AGMO: variants seen among roughly 807,000 people sequenced by gnomAD.
AGMO encodes the protein glyceryl-ether monooxygenase.
Under a neutral mutation model 60.2 loss-of-function variants are expected in AGMO, and 75 were observed. The observed-to-expected ratio is 1.25, with a 90% CI of 1.03 to 1.51. The LOEUF is 1.51. Among genes scored for constraint, AGMO ranks in the 40% most tolerant of loss-of-function variants. The pLI, the probability that AGMO is intolerant of heterozygous loss-of-function variation, is 0.00. For missense variants in AGMO, 763 were observed against 525.5 expected, an observed-to-expected ratio of 1.45 and a Z score of -4.42; for synonymous variants, 261 against 177.1, an observed-to-expected ratio of 1.47 and a Z score of -3.76.
chr7:15,265,164 A>C (rs1214428873), intron 12 of AGMO, among the ~76,000 whole-genome samples: 1 of 152,112 alleles, frequency 6.6e-6, no homozygotes, highest in Non-Finnish European at 1.5e-5. Context: ...CCATTATCCT[A>C]AGTGAATTAG....
At chr7:15,456,782 T>C (rs555599797) in intron 3 of AGMO, among the ~76,000 whole-genome samples, 2 of 152,308 alleles carry the variant, frequency 1.3e-5, no homozygotes, top group African/African-American at 4.8e-5. Flanking sequence ...ACCTTGGCTC[T>C]GTGCGCTACT....
intron 5 of AGMO, chr7:15,396,581 T>A (rs767169712): frequency 6.6e-6 from 1 of 152,304 alleles, no homozygotes; most frequent in Non-Finnish European, 1.5e-5. Flanking sequence ...TTGCCGCTCC[T>A]TGCTTGGATC....
intron 5 of AGMO, among the ~76,000 whole-genome samples, chr7:15,406,007 A>G (rs538244877): frequency 1.3e-5 from 2 of 151,950 alleles, no homozygotes; most frequent in East Asian, 3.9e-4. Flanking sequence ...TTAAATTCCA[A>G]TCCTTTCACA....
chr7:15,308,066 C>G (rs1780665954), intron 12 of AGMO, among the ~76,000 whole-genome samples: 2 of 152,082 alleles, frequency 1.3e-5, no homozygotes, highest in African/African-American at 4.8e-5. Flanking sequence ...TACACCCCTT[C>G]AGTTTTCCAT....
chr7:15,239,450 T>C lies in AGMO; in HGVS notation c.1264-38091A>G, dbSNP rs997247073. 4.6e-5 allele frequency among the ~76,000 whole-genome samples: 7 copies of C among 152,184 alleles called. No homozygotes were observed. The East Asian group carries it at 7.7e-4, about 17-fold the overall frequency. On this transcript the variant is annotated intron_variant, in intron 12 of 12. Coordinates refer to ENST00000342526, the MANE Select transcript of AGMO (RefSeq NM_001004320.2). ...AGTAAAATCATGCTGAAGAAAACAATGGAATAATTAAGTCATGTTACCATA... is the reference window on the plus strand; with the variant it reads ...AGTAAAATCATGCTGAAGAAAACAACGGAATAATTAAGTCATGTTACCATA...
chr7:15,454,010 A>G (rs1307363589), intron 3 of AGMO, among the ~76,000 whole-genome samples: 2 of 148,418 alleles, frequency 1.3e-5, no homozygotes, highest in Non-Finnish European at 3.0e-5. Context: ...AAGTATATAC[A>G]TAAAATATGT....
At chr7:15,530,952 A>C (rs1784301251) in intron 3 of AGMO, among the ~76,000 whole-genome samples, 1 of 136,886 alleles carries the variant, frequency 7.3e-6, no homozygotes, top group Admixed American at 8.2e-5. Flanking sequence ...TTTTTTGAAT[A>C]CATATATATT....
chr7:15,369,450 T>A (rs1783114660), intron 10 of AGMO, among the ~76,000 whole-genome samples: 2 of 152,134 alleles, frequency 1.3e-5, no homozygotes, highest in South Asian at 4.1e-4. Flanking sequence ...CCAGAAATTT[T>A]CCTGTTCCTG....
At chr7:15,237,482 G>C (rs760650903) in intron 12 of AGMO, among the ~76,000 whole-genome samples, 7 of 151,936 alleles carry the variant, frequency 4.6e-5, no homozygotes, top group Non-Finnish European at 5.9e-5. Flanking sequence ...TAGACCTAGA[G>C]AGTGTTTTTT....
At position 15,310,340 on chromosome 7, in the gene AGMO, C is replaced by G. The variant is rs1333801935; in HGVS notation, c.1263+55174G>C. ...AAATTTCATTCTTAGCTGCATGACT[C>G]TGGAGTAAGGGGCCCCTGCAAAAAA... On this transcript the variant is annotated intron_variant, in intron 12 of 12. Coordinates refer to ENST00000342526, the MANE Select transcript of AGMO (RefSeq NM_001004320.2). Among the ~76,000 whole-genome samples, 9 of 152,046 alleles carry G rather than the reference C, an allele frequency of 5.9e-5. No homozygotes were observed. The East Asian group carries it at 1.2e-3, about 20-fold the overall frequency.
intron 12 of AGMO, among the ~76,000 whole-genome samples, chr7:15,208,601 A>T (rs1333591070): frequency 6.6e-6 from 1 of 152,178 alleles, no homozygotes; most frequent in African/African-American, 2.4e-5. Flanking sequence ...TATGCATTAA[A>T]ATTAGTGATG....
intron 10 of AGMO, among the ~76,000 whole-genome samples, chr7:15,380,845 T>C (rs1783654543): frequency 6.6e-6 from 1 of 152,066 alleles, no homozygotes; most frequent in African/African-American, 2.4e-5. Context: ...CATAGACCAA[T>C]GGAACAGAAC....
chr7:15,514,977 T>G (rs1289444807), intron 3 of AGMO, among the ~76,000 whole-genome samples: 1 of 152,214 alleles, frequency 6.6e-6, no homozygotes, highest in African/African-American at 2.4e-5. Context: ...AGCTCAGCAA[T>G]GCTGCAACAG....
At chr7:15,123,523 A>G in the AGMO span, among the ~76,000 whole-genome samples, 2 of 152,090 alleles carry the variant, frequency 1.3e-5, no homozygotes, top group African/African-American at 4.8e-5. Context: ...ATATTCACAC[A>G]GGACTTCAAA....
intron 10 of AGMO, among the ~76,000 whole-genome samples, chr7:15,384,426 T>C (rs920138857): frequency 2.0e-5 from 3 of 152,348 alleles, no homozygotes; most frequent in African/African-American, 7.2e-5. Flanking sequence ...TTTAACTCCT[T>C]AGGTGTCTTT....
chr7:15,416,683 G>A (rs946091727), intron 5 of AGMO, among the ~76,000 whole-genome samples: 14 of 152,110 alleles, frequency 9.2e-5, no homozygotes, highest in African/African-American at 3.4e-4. Flanking sequence ...TTCTGTCAAT[G>A]GAGATCCAAG....
chr7:15,328,436 A>C (rs2128543163), intron 12 of AGMO, among the ~76,000 whole-genome samples: 1 of 152,290 alleles, frequency 6.6e-6, no homozygotes, highest in Admixed American at 6.5e-5. Flanking sequence ...TAAGTAAGGA[A>C]GGAGTCTTGT....
intron 5 of AGMO, among the ~76,000 whole-genome samples, chr7:15,400,950 T>TA (rs1784537483): frequency 6.6e-6 from 1 of 152,234 alleles, no homozygotes; most frequent in South Asian, 2.1e-4. Context: ...ATCCTGCACT[T>TA]ACACATTAAG....
chr7:15,327,740 C>CTTTTTTTT (rs546851399), intron 12 of AGMO, among the ~76,000 whole-genome samples: 1 of 88,024 alleles, frequency 1.1e-5, no homozygotes, highest in Non-Finnish European at 2.1e-5. Context: ...TGATTTCTTT[C>CTTTTTTTT]TTTTTTTTTT....
Sources: gnomAD v4.1 joint callset for allele counts (sites outside exome capture counted in the v4.1 genomes callset) on GRCh38, gnomAD v4.1.1 for gene constraint, MANE v1.5 for transcripts, NCBI Gene and HGNC (gene_info 2026-07-23, HGNC 2026-07-21) for gene names.